MGAT4C: variants seen among roughly 807,000 people sequenced by gnomAD.
MGAT4C encodes the protein alpha-1,3-mannosyl-glycoprotein 4-beta-N-acetylglucosaminyltransferase C.
Under a neutral mutation model 40.1 loss-of-function variants are expected in MGAT4C, and 19 were observed. The ratio of observed to expected loss-of-function variants is 0.47; its 90% CI spans 0.33 to 0.70. MGAT4C has a LOEUF of 0.70. MGAT4C is among the 30% of genes least tolerant of loss of function. The pLI is 0.02. For missense variants in MGAT4C, 491 were observed against 563.2 expected, an observed-to-expected ratio of 0.87 and a Z score of 1.30; for synonymous variants, 181 against 187.1, an observed-to-expected ratio of 0.97 and a Z score of 0.27.
Position 85,978,139 on chromosome 12 carries a change from T to C in MGAT4C, c.*1150A>G, listed in dbSNP as rs535809406. 8.6e-5 allele frequency: 13 copies of C among 151,696 alleles called. No homozygotes were observed. Among genetic ancestry groups the C allele is most frequent in the African/African-American group, 3.1e-4 (13 of 41,490 alleles). 9.4% of individuals were successfully genotyped at this position (151,696 alleles called of 1,614,324 possible). ...AGGACATTATTTAGGATAATATTAT[T>C]TATGCAGGAATTGTACCACCTATTT... is the stretch of plus-strand genomic sequence containing the variant. On this transcript the variant is annotated 3_prime_UTR_variant, in exon 5 of 5. Coordinates refer to ENST00000611864, the MANE Select transcript of MGAT4C (RefSeq NM_001351288.2).
At chr12:86,709,530 A>T in intron 2 of MGAT4C, among the ~76,000 whole-genome samples, 1 of 152,104 alleles carries the variant, frequency 6.6e-6, no homozygotes. Context: ...TTTTACTGTA[A>T]GCATATATAG....
intron 1 of MGAT4C, among the ~76,000 whole-genome samples, chr12:86,769,511 T>C (rs1326293070): frequency 1.6e-4 from 25 of 152,182 alleles, no homozygotes; most frequent in Admixed American, 1.2e-3. Context: ...CATCCCGTTA[T>C]TGGGTATATA....
chr12:85,987,760 C>G (rs866174537), intron 3 of MGAT4C, among the ~76,000 whole-genome samples: 21 of 152,078 alleles, frequency 1.4e-4, no homozygotes, highest in African/African-American at 4.6e-4. Flanking sequence ...TTCAATGGTC[C>G]TTTGGGTTTG....
intron 2 of MGAT4C, among the ~76,000 whole-genome samples, chr12:86,585,945 C>CT (rs1476627681): frequency 8.7e-4 from 131 of 149,950 alleles, no homozygotes; most frequent in African/African-American, 1.8e-3. Context: ...TTTTTTTTCC[C>CT]TTTTTTTAAT....
chr12:86,560,663 C>T (rs1186209390), intron 2 of MGAT4C, among the ~76,000 whole-genome samples: 1 of 152,084 alleles, frequency 6.6e-6, no homozygotes, highest in Non-Finnish European at 1.5e-5. Flanking sequence ...TCATGTATGA[C>T]AAGCCCACAG....
intron 2 of MGAT4C, among the ~76,000 whole-genome samples, chr12:86,463,234 A>T (rs1237340131): frequency 6.6e-6 from 1 of 151,840 alleles, no homozygotes; most frequent in Non-Finnish European, 1.5e-5. Flanking sequence ...GAATTTCTTT[A>T]AAAAATCACC....
At chr12:86,568,735 G>A (rs989453276) in intron 2 of MGAT4C, among the ~76,000 whole-genome samples, 1 of 151,706 alleles carries the variant, frequency 6.6e-6, no homozygotes, top group African/African-American at 2.4e-5. Context: ...CAGAAACATA[G>A]ACTGATGAAA....
rs1023649351 is a variant in MGAT4C at position 86,156,448 on chromosome 12, G to A, written c.-57+99791C>T. On this transcript the variant is annotated intron_variant, in intron 1 of 4. Coordinates refer to ENST00000611864, the MANE Select transcript of MGAT4C (RefSeq NM_001351288.2). ...AGCGATTCTCCTGCCTCAGCCTCCC[G>A]AGTAGCTGGTATTAAGGCATGCACC... Among the ~76,000 whole-genome samples the A allele has an allele frequency of 2.6e-5, 4 of 151,762 alleles. No homozygotes were observed. In the East Asian group the frequency reaches 5.8e-4, roughly 22 times the overall value.
chr12:86,745,102 T>C (rs910067642), intron 1 of MGAT4C: 5 of 151,184 alleles, frequency 3.3e-5, no homozygotes, highest in African/African-American at 9.7e-5. Flanking sequence ...CCCTAGAGGG[T>C]AGTTAGAGCT....
intron 2 of MGAT4C, among the ~76,000 whole-genome samples, chr12:86,587,191 A>G (rs866739274): frequency 0.012 from 1,759 of 151,938 alleles, 12 homozygotes; most frequent in Non-Finnish European, 0.014. Context: ...TTTTCCCAGC[A>G]CCATTTATTA....
intron 1 of MGAT4C, among the ~76,000 whole-genome samples, chr12:86,733,611 A>C (rs1950943992): frequency 6.6e-6 from 1 of 152,128 alleles, no homozygotes. Context: ...GTGAGACATG[A>C]TTGTACATCA....
intron 2 of MGAT4C, among the ~76,000 whole-genome samples, chr12:86,529,920 A>G (rs911957484): frequency 6.6e-6 from 1 of 151,962 alleles, no homozygotes; most frequent in Non-Finnish European, 1.5e-5. Flanking sequence ...CCTCTCACAT[A>G]CCTTAAATTA....
chr12:86,312,185 T>C (rs1014914589), intron 4 of MGAT4C, among the ~76,000 whole-genome samples: 1 of 152,208 alleles, frequency 6.6e-6, no homozygotes, highest in Non-Finnish European at 1.5e-5. Flanking sequence ...GCTTACCTAC[T>C]CTTTCCCTTG....
chr12:86,327,314 ATTTT>A (rs1203219417), intron 4 of MGAT4C, among the ~76,000 whole-genome samples: 1 of 151,952 alleles, frequency 6.6e-6, no homozygotes, highest in East Asian at 1.9e-4. Flanking sequence ...GGATTTTTTA[ATTTT>A]TTTATTTTCA....
intron 1 of MGAT4C, among the ~76,000 whole-genome samples, chr12:86,797,305 C>T (rs1952141574): frequency 6.6e-6 from 1 of 151,758 alleles, no homozygotes; most frequent in Non-Finnish European, 1.5e-5. Flanking sequence ...CCTACAATCT[C>T]TGGAGATATT....
chr12:86,582,661 A>C (rs556799503), intron 2 of MGAT4C, among the ~76,000 whole-genome samples: 9 of 151,316 alleles, frequency 5.9e-5, no homozygotes, highest in Non-Finnish European at 1.2e-4. Context: ...ATTTTATCCC[A>C]CAATTTATCA....
At position 86,764,006 on chromosome 12, in the gene MGAT4C, G is replaced by A. The variant is rs11104070; in HGVS notation, c.-261-36765C>T. ...TCATATCACTAGGGAGTGCCAGACAGTTGGTGCGGGGCAGTGGGTGGGTGC... is the reference window on the plus strand; with the variant it reads ...TCATATCACTAGGGAGTGCCAGACAATTGGTGCGGGGCAGTGGGTGGGTGC... On this transcript the variant is annotated intron_variant, in intron 1 of 7. Coordinates refer to the MGAT4C transcript ENST00000548651. Among the ~76,000 whole-genome samples, 26 of 152,266 alleles carry A rather than the reference G, an allele frequency of 1.7e-4. No individual in the cohort carries two copies. The East Asian group carries it at 2.7e-3, about 16-fold the overall frequency.
chr12:86,559,033 G>A (rs1425149710), intron 2 of MGAT4C, among the ~76,000 whole-genome samples: 1 of 151,604 alleles, frequency 6.6e-6, no homozygotes, highest in Non-Finnish European at 1.5e-5. Context: ...AATGTGAGCA[G>A]GCATACCTAT....
chr12:86,619,399 G>A (rs1962566903), intron 2 of MGAT4C, among the ~76,000 whole-genome samples: 1 of 151,842 alleles, frequency 6.6e-6, no homozygotes, highest in East Asian at 1.9e-4. Flanking sequence ...CCCTACTGTG[G>A]GTATATCTCA....
Sources: allele counts gnomAD v4.1 joint callset (sites outside exome capture counted in the v4.1 genomes callset), GRCh38; gene constraint gnomAD v4.1.1; transcripts MANE v1.5; gene names NCBI Gene and HGNC (gene_info 2026-07-23, HGNC 2026-07-21).